PARD3B: variants seen among roughly 807,000 people sequenced by gnomAD.
PARD3B encodes the protein partitioning defective 3 homolog B.
In PARD3B, 103 loss-of-function variants were observed where a neutral mutation model predicts 130.2. The observed-to-expected ratio is 0.79, with a 90% CI of 0.67 to 0.93. The LOEUF is 0.93. Ranked by LOEUF, PARD3B falls within the 40% of genes least tolerant of loss-of-function variation. The pLI is 0.00. For missense variants in PARD3B, 1,609 were observed against 1,499.2 expected (o/e 1.07, Z -1.21); for synonymous variants, 583 against 553.2 (o/e 1.05, Z -0.76).
intron 2 of PARD3B, among the ~76,000 whole-genome samples, chr2:204,824,582 T>A (rs2043496109): frequency 6.6e-6 from 1 of 152,176 alleles, no homozygotes; most frequent in Non-Finnish European, 1.5e-5. Flanking sequence ...CCAGAACTTC[T>A]CCATCACATA....
At chr2:205,003,362 T>A (rs1480445542) in intron 3 of PARD3B, among the ~76,000 whole-genome samples, 3 of 152,122 alleles carry the variant, frequency 2.0e-5, no homozygotes, top group African/African-American at 7.2e-5. Flanking sequence ...GATGGACTTT[T>A]TTGGGGGGCA....
At chr2:205,052,727 G>A (rs1033915114) in intron 4 of PARD3B, among the ~76,000 whole-genome samples, 1 of 151,924 alleles carries the variant, frequency 6.6e-6, no homozygotes, top group Non-Finnish European at 1.5e-5. Flanking sequence ...CTTCCTCCCT[G>A]CAAATATGTA....
At chr2:205,392,561 A>G (rs1421170993) in intron 18 of PARD3B, among the ~76,000 whole-genome samples, 3 of 152,206 alleles carry the variant, frequency 2.0e-5, no homozygotes, top group Admixed American at 1.3e-4. Context: ...ATTTAATTAG[A>G]AAACTTAATT....
intron 20 of PARD3B, among the ~76,000 whole-genome samples, chr2:205,486,796 C>T (rs986089599): frequency 1.3e-5 from 2 of 152,206 alleles, no homozygotes; most frequent in African/African-American, 4.8e-5. Context: ...CCACCTCCAG[C>T]ATTGGGGATT....
chr2:204,774,086 T>G (rs1484405638), intron 2 of PARD3B, among the ~76,000 whole-genome samples: 1 of 151,988 alleles, frequency 6.6e-6, no homozygotes, highest in African/African-American at 2.4e-5. Context: ...AATCTCTCAC[T>G]GATATTCCAA....
chr2:204,826,687 G>T (rs763395444), intron 2 of PARD3B, among the ~76,000 whole-genome samples: 7 of 152,074 alleles, frequency 4.6e-5, no homozygotes, highest in Non-Finnish European at 1.0e-4. Context: ...AAAACAAAAA[G>T]TAGTATCACA....
At chr2:204,928,126 G>A (rs1687770753) in intron 2 of PARD3B, among the ~76,000 whole-genome samples, 1 of 152,182 alleles carries the variant, frequency 6.6e-6, no homozygotes, top group South Asian at 2.1e-4. Context: ...TCTAGGCCGT[G>A]TCCTCTCATG....
intron 2 of PARD3B, among the ~76,000 whole-genome samples, chr2:204,713,051 C>G (rs2038533548): frequency 6.6e-6 from 1 of 152,078 alleles, no homozygotes; most frequent in Admixed American, 6.5e-5. Context: ...TAGAGTGTTT[C>G]TAATGTGACT....
intron 2 of PARD3B, among the ~76,000 whole-genome samples, chr2:204,698,423 G>A (rs955616527): frequency 1.3e-5 from 2 of 152,102 alleles, no homozygotes; most frequent in African/African-American, 2.4e-5. Context: ...GGGTAAAAAT[G>A]CATATTCCAG....
At chr2:204,811,135 T>G (rs927687326) in intron 2 of PARD3B, among the ~76,000 whole-genome samples, 12 of 152,134 alleles carry the variant, frequency 7.9e-5, no homozygotes, top group Admixed American at 5.2e-4. Context: ...CTGTTTTTAT[T>G]TTTGTGGGGT....
chr2:204,832,468 C>G (rs140943183), intron 2 of PARD3B, among the ~76,000 whole-genome samples: 27 of 152,240 alleles, frequency 1.8e-4, no homozygotes, highest in Non-Finnish European at 3.1e-4. Context: ...GTAGCATGTT[C>G]ATGTTTAAGC....
At chr2:204,856,870 G>C (rs2044966083) in intron 2 of PARD3B, among the ~76,000 whole-genome samples, 1 of 151,934 alleles carries the variant, frequency 6.6e-6, no homozygotes, top group Non-Finnish European at 1.5e-5. Context: ...TTTCTGTCCT[G>C]TTCATTGGTT....
At chr2:204,713,659 G>C (rs1259546755) in intron 2 of PARD3B, among the ~76,000 whole-genome samples, 1 of 152,012 alleles carries the variant, frequency 6.6e-6, no homozygotes. Context: ...ATTATATGAT[G>C]TTCACCTTTG....
chr2:205,073,694 G>T (rs1700875691), intron 4 of PARD3B, among the ~76,000 whole-genome samples: 1 of 152,070 alleles, frequency 6.6e-6, no homozygotes. Flanking sequence ...TTCCCTAAAA[G>T]GGCAAGGATT....
At chr2:204,739,939 C>CA (rs1163692484) in intron 2 of PARD3B, among the ~76,000 whole-genome samples, 1 of 146,764 alleles carries the variant, frequency 6.8e-6, no homozygotes, top group African/African-American at 2.5e-5. Flanking sequence ...TACAATGCCC[C>CA]TTTTTTTTTT....
chr2:204,950,885 C>T (rs915367017), intron 2 of PARD3B, among the ~76,000 whole-genome samples: 6 of 152,098 alleles, frequency 3.9e-5, no homozygotes, highest in Non-Finnish European at 8.8e-5. Context: ...ACAACTCTGT[C>T]TTCTCACTGC....
chr2:204,612,349 T>C (rs1268671952), intron 1 of PARD3B, among the ~76,000 whole-genome samples: 1 of 152,198 alleles, frequency 6.6e-6, no homozygotes, highest in African/African-American at 2.4e-5. Flanking sequence ...CCAAGGAGTA[T>C]AGACCTGTAG....
At chr2:204,621,286 A>T (rs1011009554) in intron 1 of PARD3B, among the ~76,000 whole-genome samples, 3 of 151,900 alleles carry the variant, frequency 2.0e-5, no homozygotes, top group African/African-American at 7.2e-5. Context: ...ACATCTGTGG[A>T]TGTGTATTCT....
At chr2:204,616,942 C>G (rs778452680) in intron 1 of PARD3B, among the ~76,000 whole-genome samples, 2 of 152,078 alleles carry the variant, frequency 1.3e-5, no homozygotes, top group Non-Finnish European at 2.9e-5. Flanking sequence ...TTCTTTCGTC[C>G]CTTAAACTTC....
Sources: gnomAD v4.1 joint callset for allele counts (sites outside exome capture counted in the v4.1 genomes callset) on GRCh38, gnomAD v4.1.1 for gene constraint, MANE v1.5 for transcripts, NCBI Gene and HGNC (gene_info 2026-07-23, HGNC 2026-07-21) for gene names.